INO80: variants seen among roughly 807,000 people sequenced by gnomAD.
The protein encoded by INO80 is INO80 complex ATPase subunit.
A neutral mutation model predicts 203.4 loss-of-function variants in INO80; 20 were observed. The observed-to-expected ratio is 0.10, with a 90% CI of 0.07 to 0.14. INO80 has a LOEUF of 0.14. Among genes scored for constraint, INO80 ranks in the 10% least tolerant of loss-of-function variants. The pLI, the probability that INO80 is intolerant of heterozygous loss-of-function variation, is 1.00. For missense variants in INO80, 1,419 were observed against 1,914.4 expected, an observed-to-expected ratio of 0.74 and a Z score of 4.83; for synonymous variants, 726 against 685.2, an observed-to-expected ratio of 1.06 and a Z score of -0.93.
rs548882802 is a variant in INO80, at chr15:41,028,732, T to C, written c.2908-996A>G. 2.6e-5 allele frequency among the ~76,000 whole-genome samples: 4 copies of C among 152,176 alleles called. No individual in the cohort carries two copies. The South Asian group carries it at 8.3e-4, about 31-fold the overall frequency. The stretch of plus-strand genomic sequence containing the variant: ...ATTAGCCAGCATGGTGGCGGATGCC[T>C]GTAATCCCAGCTACTCAGGAGGCTG... On this transcript the variant is annotated intron_variant, in intron 24 of 35. Transcript: ENST00000648947.
chr15:41,085,823 T>C (rs2045554610), intron 6 of INO80, among the ~76,000 whole-genome samples: 2 of 152,196 alleles, frequency 1.3e-5, no homozygotes, highest in South Asian at 4.1e-4. Flanking sequence ...TCTGTTTATA[T>C]GAAAGTGAAA....
At chr15:41,102,069 T>C (rs1048292196) in intron 1 of INO80, among the ~76,000 whole-genome samples, 2 of 152,020 alleles carry the variant, frequency 1.3e-5, no homozygotes, top group South Asian at 2.1e-4. Flanking sequence ...CACGCACCTG[T>C]AGTCCCAGCT....
At chr15:41,026,073 T>A (rs891637476) in intron 25 of INO80, among the ~76,000 whole-genome samples, 1 of 152,214 alleles carries the variant, frequency 6.6e-6, no homozygotes, top group Non-Finnish European at 1.5e-5. Flanking sequence ...ATTAAACTCA[T>A]ATAGCACAGG....
rs139929718 is a variant in INO80, at chr15:40,983,023, C to G, written c.4292G>C (p.Arg1431Pro). Residue 1431 changes from arginine to proline, a missense_variant, in exon 35 of 36, where the codon CGA becomes CCA. This residue lies in a region of INO80 where 214 missense variants were observed against 248.9 expected (regional missense o/e 0.86). Transcript: ENST00000648947. ...GCTTCCTGAACCTTTGGGGCGGCCT[C>G]GGCTTCGGGCTGAGTGACCACGTCC... ...AAGRGHSARS[R>P]GRPKGSGSTA... 2.5e-6 allele frequency: 4 copies of G among 1,613,918 alleles called. No individual in the cohort carries two copies. Among genetic ancestry groups the G allele is most frequent in the Non-Finnish European group, 2.5e-6 (3 of 1,180,012 alleles).
intron 26 of INO80, chr15:41,018,313 AT>A (rs1178606282): frequency 1.3e-5 from 2 of 152,226 alleles, no homozygotes; most frequent in Non-Finnish European, 2.9e-5. Context: ...CAAAATCATG[AT>A]TCAATGGTTT....
chr15:40,987,755 C>A, intron 30 of INO80, 61 bp downstream of exon 30: 1 of 1,463,170 alleles, frequency 6.8e-7, no homozygotes, highest in South Asian at 1.2e-5. Flanking sequence ...TCAATGCAGT[C>A]AATGTGGTTG....
At chr15:41,064,775 T>C (rs1461970594) in intron 14 of INO80, among the ~76,000 whole-genome samples, 1 of 152,068 alleles carries the variant, frequency 6.6e-6, no homozygotes, top group Non-Finnish European at 1.5e-5. Flanking sequence ...GGTAGAAGGA[T>C]CGCTTGAGCT....
chr15:41,066,706 G>A (rs1020537550), intron 14 of INO80, among the ~76,000 whole-genome samples: 103 of 151,732 alleles, frequency 6.8e-4, no homozygotes, highest in African/African-American at 2.4e-3. Context: ...GCTGCATGCC[G>A]GTAGTCCTAG....
At chr15:41,014,023 A>G (rs1790508402) in intron 27 of INO80, among the ~76,000 whole-genome samples, 1 of 152,216 alleles carries the variant, frequency 6.6e-6, no homozygotes, top group African/African-American at 2.4e-5. Flanking sequence ...AGTTTACAGC[A>G]CTTATCCTGA....
chr15:41,026,676 C>A (rs796270618), intron 25 of INO80, among the ~76,000 whole-genome samples: 40 of 152,250 alleles, frequency 2.6e-4, no homozygotes, highest in African/African-American at 9.6e-4. Context: ...CCTCTTAGAG[C>A]TTCCTGGCTA....
Position 40,982,549 on chromosome 15 carries a change from G to A in INO80, c.4453+313C>T, listed in dbSNP as rs527684766. Among the ~76,000 whole-genome samples the A allele has an allele frequency of 9.8e-5, 15 of 152,348 alleles. No homozygotes were observed. The South Asian group carries it at 2.9e-3, about 29-fold the overall frequency. On this transcript the variant is annotated intron_variant, in intron 35 of 35. Coordinates refer to ENST00000648947, the MANE Select transcript of INO80 (RefSeq NM_017553.3). ...CTATGCTAATTTGGATTACTAAAAT[G>A]TGGATCTCAGAAATGAAAGCCTAGG...
chr15:40,991,302 A>G (rs2043813944), intron 29 of INO80, among the ~76,000 whole-genome samples: 1 of 152,214 alleles, frequency 6.6e-6, no homozygotes, highest in African/African-American at 2.4e-5. Flanking sequence ...ATACCTGTGC[A>G]GCGGAAAATA....
intron 6 of INO80, among the ~76,000 whole-genome samples, chr15:41,086,632 C>A (rs2045568970): frequency 6.8e-6 from 1 of 146,682 alleles, no homozygotes; most frequent in African/African-American, 2.5e-5. Context: ...GCCTGGGTGA[C>A]AGAGCGAGAC....
chr15:41,115,346 G>A (rs945312241), intron 1 of INO80, among the ~76,000 whole-genome samples: 1 of 152,158 alleles, frequency 6.6e-6, no homozygotes, highest in African/African-American at 2.4e-5. Context: ...AGCTCAAGAA[G>A]GAATGTCAAA....
intron 28 of INO80, 62 bp downstream of exon 28, chr15:41,005,531 T>A: frequency 1.3e-6 from 1 of 799,490 alleles, no homozygotes; most frequent in Non-Finnish European, 2.0e-6. Flanking sequence ...AAAAAAAACT[T>A]ACCATTTCAA....
At chr15:41,024,944 A>G (rs949586602) in intron 25 of INO80, among the ~76,000 whole-genome samples, 1 of 152,204 alleles carries the variant, frequency 6.6e-6, no homozygotes, top group Non-Finnish European at 1.5e-5. Flanking sequence ...CTGAAAGGTA[A>G]AAGTTGTAGA....
In INO80 at chr15:41,097,031, T is replaced by C. The variant is rs1324429492; in HGVS notation, c.-43-678A>G. 2.0e-5 allele frequency among the ~76,000 whole-genome samples: 3 copies of C among 146,388 alleles called. No individual in the cohort carries two copies. The East Asian group carries it at 5.8e-4, about 28-fold the overall frequency. ...AACATTAGGGTCAGAACATCTTCAC[T>C]AGAGACACAATCACACAATCACACA... On this transcript the variant is annotated intron_variant, in intron 1 of 35. Transcript: ENST00000648947.
intron 1 of INO80, among the ~76,000 whole-genome samples, chr15:41,101,704 A>G (rs190817268): frequency 1.3e-5 from 2 of 151,618 alleles, no homozygotes; most frequent in African/African-American, 4.8e-5. Flanking sequence ...CGCCCGCCAC[A>G]ACGCCTGGCT....
chr15:41,050,055 T>A lies in INO80; in HGVS notation c.2322A>T (p.Leu774=). Residue 774 remains leucine, a synonymous_variant, in exon 20 of 36, where the codon CTA becomes CTT. Coordinates refer to ENST00000648947, the MANE Select transcript of INO80 (RefSeq NM_017553.3). The part of the protein sequence containing the change: ...YCQLTSRQKL[L]YQALKNKISI... ...AAATTTTGTTCTTTAGTGCCTGATA[T>A]AGCAGCTTCTGTCGGCTGGTCAGTT... is the stretch of plus-strand genomic sequence containing the variant. The A allele has an allele frequency of 6.2e-7, 1 of 1,613,848 alleles. No individual in the cohort carries two copies. The highest frequency in any genetic ancestry group is 8.5e-7 in the Non-Finnish European group (1 of 1,179,722).
Sources: gnomAD v4.1 joint callset for allele counts (sites outside exome capture counted in the v4.1 genomes callset) on GRCh38, gnomAD v4.1.1 for gene constraint, gnomAD v4.1.1 regional missense constraint, MANE v1.5 for transcripts, NCBI Gene and HGNC (gene_info 2026-07-23, HGNC 2026-07-21) for gene names.